The following SLC35D1 variants were observed in gnomAD, a reference collection of about 807,000 sequenced individuals.
SLC35D1 encodes solute carrier family 35 member D1.
Under a neutral mutation model 46.7 loss-of-function variants are expected in SLC35D1, and 31 were observed. The ratio of observed to expected loss-of-function variants is 0.66; its 90% confidence interval spans 0.50 to 0.90. The LOEUF is 0.90. SLC35D1 is among the 40% of genes least tolerant of loss of function. SLC35D1 has a pLI of 0.00. For missense variants in SLC35D1, 397 were observed against 426.2 expected, an observed-to-expected ratio of 0.93 and a Z score of 0.60; for synonymous variants, 195 against 164.6, an observed-to-expected ratio of 1.18 and a Z score of -1.41.
At chr1:67,006,057 C>G (rs534655827) in intron 11 of SLC35D1, among the ~76,000 whole-genome samples, 38 of 152,146 alleles carry the variant, frequency 2.5e-4, no homozygotes, top group African/African-American at 9.2e-4. Context: ...GCTATATTGC[C>G]CAGGCAGGTC....
chr1:66,983,256 AAT>A, the SLC35D1 span, among the ~76,000 whole-genome samples: 7 of 152,342 alleles, frequency 4.6e-5, no homozygotes, highest in South Asian at 8.3e-4. Flanking sequence ...TTTTTGACCT[AAT>A]CACAGTCGTC....
intron 8 of SLC35D1, among the ~76,000 whole-genome samples, chr1:67,032,811 CTTG>C: frequency 1.3e-5 from 2 of 152,270 alleles, no homozygotes; most frequent in Admixed American, 1.3e-4. Flanking sequence ...GAACAATTAT[CTTG>C]TTGTGCTACC....
the SLC35D1 span, chr1:66,984,498 CA>C: frequency 1.9e-6 from 2 of 1,050,540 alleles, no homozygotes; most frequent in South Asian, 3.2e-5. Context: ...ACAATAACTA[CA>C]AGCTGTTTTA....
Position 67,047,291 on chromosome 1 carries a change from A to G in SLC35D1, c.610T>C (p.Tyr204His), listed in dbSNP as rs763332506. The G allele has an allele frequency of 5.6e-6, 9 of 1,613,432 alleles. No homozygotes were observed. The highest frequency in any genetic ancestry group is 3.3e-4 in the Middle Eastern group (2 of 6,056). ...NDVLTAANGA[Y>H]VKQKLDSKEL... ...TTTGAATCTAATTTTTGTTTTACGT[A>G]TGCACCATTTGCTGCTGTTAGGACA... The change falls in exon 7 of 12, where the codon TAC becomes CAC. Residue 204 changes from tyrosine to histidine, a missense_variant. Physicochemically the swap from Tyr to His is moderately conservative, Grantham distance 83. Transcript: ENST00000235345.
chr1:67,053,593 G>A (rs1271072420), intron 1 of SLC35D1, among the ~76,000 whole-genome samples: 1 of 151,970 alleles, frequency 6.6e-6, no homozygotes, highest in African/African-American at 2.4e-5. Context: ...TGCCGGGCCG[G>A]CCGGAGCTCC....
chr1:67,049,076 C>T (rs570246523), intron 6 of SLC35D1, among the ~76,000 whole-genome samples: 6 of 152,242 alleles, frequency 3.9e-5, no homozygotes, highest in South Asian at 2.1e-4. Context: ...AGGCGGATCA[C>T]GAGGTCAGGA....
the SLC35D1 span, chr1:66,981,754 T>C: frequency 1.3e-6 from 2 of 1,549,362 alleles, no homozygotes; most frequent in South Asian, 1.2e-5. Flanking sequence ...CTTTTTAATA[T>C]AAAAATTGTT....
intron 8 of SLC35D1, among the ~76,000 whole-genome samples, chr1:67,039,817 C>T (rs1043943525): frequency 6.6e-6 from 1 of 152,072 alleles, no homozygotes; most frequent in Non-Finnish European, 1.5e-5. Flanking sequence ...CTCAGAAACT[C>T]TGTCTCAACC....
Position 67,047,382 on chromosome 1 carries a change from CA to C in SLC35D1, c.534-16del. 7 of 1,599,052 alleles carry C rather than the reference CA, an allele frequency of 4.4e-6. No homozygotes were observed. The highest frequency in any genetic ancestry group is 5.1e-6 in the Non-Finnish European group (6 of 1,168,236). On this transcript the variant is annotated splice_polypyrimidine_tract_variant and intron_variant, in intron 6 of 11. Transcript: ENST00000235345. ...CCAAGTCAGAGCTGCAAAACATAAGCAACACTTTAAGAACAACTTAAAGAAC... is the reference window on the plus strand; with the variant it reads ...CCAAGTCAGAGCTGCAAAACATAAGCACACTTTAAGAACAACTTAAAGAAC...
chr1:67,041,031 C>G (rs1668232316), intron 8 of SLC35D1, among the ~76,000 whole-genome samples: 1 of 152,096 alleles, frequency 6.6e-6, no homozygotes, highest in Non-Finnish European at 1.5e-5. Flanking sequence ...GTTTCTTAGT[C>G]TCTCTGAACC....
chr1:67,050,371 A>C, intron 5 of SLC35D1, 62 bp downstream of exon 5: 1 of 1,225,860 alleles, frequency 8.2e-7, no homozygotes, highest in Non-Finnish European at 1.2e-6. Context: ...TTAATATCTC[A>C]CATATGCTGG....
In SLC35D1 at chr1:67,039,995, A is replaced by G. The variant is rs993911661; in HGVS notation, c.729+2241T>C. On this transcript the variant is annotated intron_variant, in intron 8 of 11. Coordinates refer to ENST00000235345, the MANE Select transcript of SLC35D1 (RefSeq NM_015139.3). ...TCCCCACTGTACCACTTACATCACA[A>G]TTTTTTTTTTTTTTTTTGAGACACA... is the stretch of plus-strand genomic sequence containing the variant. Among the ~76,000 whole-genome samples, 8 of 140,194 alleles carry G rather than the reference A, an allele frequency of 5.7e-5. No homozygotes were observed. The Admixed American group carries it at 5.7e-4, about 10-fold the overall frequency. 92.0% of individuals were successfully genotyped at this position (140,194 alleles called of 152,430 possible). A position where few individuals can be genotyped will look rare whatever the true frequency, so the allele number is the denominator to read the frequency against.
rs1645314783 is a variant in SLC35D1, at chr1:67,052,058, A to G, written c.346T>C (p.Tyr116His). The G allele has an allele frequency of 6.2e-7, 1 of 1,609,666 alleles. No individual in the cohort carries two copies. The change falls in exon 4 of 12, where the codon TAT (tyrosine) becomes CAT (histidine). Residue 116 changes from tyrosine to histidine, a missense_variant. By Grantham distance (83) the Tyr-to-His change is moderately conservative (BLOSUM62 2). Transcript: ENST00000235345. Reference protein sequence around the residue: ...PRKTFPLPLLYFGNQITGLFS... With the variant: ...PRKTFPLPLLHFGNQITGLFS... ...AGTCCCGTGATTTGGTTCCCAAAAT[A>G]TAGTAGAGGTAGTGGAAACGTCTAG...
At chr1:67,038,595 A>C (rs770415421) in intron 8 of SLC35D1, among the ~76,000 whole-genome samples, 7 of 152,294 alleles carry the variant, frequency 4.6e-5, no homozygotes, top group Non-Finnish European at 1.0e-4. Context: ...GTTTAAACAC[A>C]ATCTGTACTG....
chr1:67,031,490 T>G (rs1432719747), intron 8 of SLC35D1, among the ~76,000 whole-genome samples: 1 of 152,162 alleles, frequency 6.6e-6, no homozygotes, highest in Non-Finnish European at 1.5e-5. Context: ...TCCAAAATTA[T>G]CTAGCTAGTA....
chr1:67,028,921 TTTCTC>T (rs1472449310), intron 8 of SLC35D1, among the ~76,000 whole-genome samples: 3 of 152,326 alleles, frequency 2.0e-5, no homozygotes, highest in African/African-American at 4.8e-5. Context: ...ATAGCTTTCT[TTTCTC>T]TTCTCATCCT....
chr1:67,041,482 C>T (rs1298282705), intron 8 of SLC35D1, among the ~76,000 whole-genome samples: 1 of 152,118 alleles, frequency 6.6e-6, no homozygotes, highest in Non-Finnish European at 1.5e-5. Context: ...AGTAAATGAC[C>T]AACATACTTA....
intron 4 of SLC35D1, 117 bp downstream of exon 4, chr1:67,051,895 T>C (rs1476212467): frequency 1.3e-5 from 10 of 748,910 alleles, no homozygotes; most frequent in Non-Finnish European, 1.9e-5. Flanking sequence ...AATAGAAGCT[T>C]TCTGGTCCTT....
At chr1:67,045,312 T>C (rs1052468464) in intron 7 of SLC35D1, among the ~76,000 whole-genome samples, 7 of 152,276 alleles carry the variant, frequency 4.6e-5, no homozygotes, top group African/African-American at 1.4e-4. Context: ...CATCTTATGA[T>C]ACACTGTTAC....
Sources: allele counts gnomAD v4.1 joint callset (sites outside exome capture counted in the v4.1 genomes callset), GRCh38; gene constraint gnomAD v4.1.1; transcripts MANE v1.5; gene names NCBI Gene and HGNC (gene_info 2026-07-23, HGNC 2026-07-21).